GRIN2A: variants seen among roughly 807,000 people sequenced by gnomAD.
The protein encoded by GRIN2A is glutamate receptor ionotropic, NMDA 2A.
In GRIN2A, 22 loss-of-function variants were observed where a neutral mutation model predicts 113.4. The observed-to-expected ratio is 0.19, with a 90% CI of 0.14 to 0.28. GRIN2A has a LOEUF of 0.28. Ranked by LOEUF, GRIN2A falls within the 10% of genes least tolerant of loss-of-function variation. The pLI, the probability that GRIN2A is intolerant of heterozygous loss-of-function variation, is 1.00. For synonymous variants in GRIN2A, 827 were observed against 738.4 expected (o/e 1.12, Z -1.94); for missense variants, 1,502 against 1,887.0 (o/e 0.80, Z 3.78).
chr16:9,765,669 G>C (rs772061933), intron 12 of GRIN2A, among the ~76,000 whole-genome samples: 1 of 150,402 alleles, frequency 6.6e-6, no homozygotes, highest in Non-Finnish European at 1.5e-5. Context: ...CCAAGAGATA[G>C]AGAAAGACAT....
chr16:10,078,849 G>GA (rs2047927689), intron 2 of GRIN2A, among the ~76,000 whole-genome samples: 3 of 151,478 alleles, frequency 2.0e-5, no homozygotes, highest in Non-Finnish European at 2.9e-5. Flanking sequence ...AAGGGAGCAT[G>GA]CTGACTGACT....
At chr16:10,130,797 G>A (rs752284857) in intron 2 of GRIN2A, among the ~76,000 whole-genome samples, 1 of 152,188 alleles carries the variant, frequency 6.6e-6, no homozygotes, top group Non-Finnish European at 1.5e-5. Context: ...GGAGCAGCCT[G>A]ACTCAAGCAG....
chr16:9,839,665 G>A (rs2042639921), intron 7 of GRIN2A, among the ~76,000 whole-genome samples: 1 of 152,298 alleles, frequency 6.6e-6, no homozygotes, highest in Admixed American at 6.5e-5. Flanking sequence ...AAAGGTCTAT[G>A]AGCTGGTTTA....
intron 2 of GRIN2A, among the ~76,000 whole-genome samples, chr16:10,103,492 C>T (rs8063758): frequency 0.41 from 61,586 of 151,976 alleles, 12,628 homozygotes; most frequent in East Asian, 0.46. Flanking sequence ...TATTACTAAC[C>T]CCCAAAATAT....
intron 2 of GRIN2A, among the ~76,000 whole-genome samples, chr16:10,046,884 C>T (rs1012792656): frequency 6.6e-6 from 1 of 152,166 alleles, no homozygotes; most frequent in African/African-American, 2.4e-5. Flanking sequence ...GTTTATTAAG[C>T]CTAACTATAT....
At position 10,076,831 on chromosome 16, in the gene GRIN2A, T is replaced by C. The variant is rs531037399; in HGVS notation, c.414+103167A>G. On this transcript the variant is annotated intron_variant, in intron 2 of 12. Transcript: ENST00000330684. ...CCTTGCATCTCCACCAGGATATGTG[T>C]GTAGTAGGCAGAGCACTGGTCCCCA... Among the ~76,000 whole-genome samples, 10 of 152,294 alleles carry C rather than the reference T, an allele frequency of 6.6e-5. 1 individual carries two copies. The East Asian group carries it at 1.9e-3, about 29-fold the overall frequency.
chr16:9,951,840 T>A lies in GRIN2A; in HGVS notation c.415-13289A>T, dbSNP rs143715205. Reference sequence around the variant, plus strand: ...TCCTGGCTCCCATCACACTCAGAGCTGGTTGCAGGCGAGAGCCCAAGTCAG... The same window carrying A: ...TCCTGGCTCCCATCACACTCAGAGCAGGTTGCAGGCGAGAGCCCAAGTCAG... On this transcript the variant is annotated intron_variant, in intron 2 of 12. Transcript: ENST00000330684. 2.9e-3 allele frequency among the ~76,000 whole-genome samples: 446 copies of A among 152,320 alleles called. 4 individuals are homozygous for A. The highest frequency in any genetic ancestry group is 0.01 in the Middle Eastern group (3 of 294).
rs2141117591 is a variant in GRIN2A at position 9,759,679 on chromosome 16, C to T, written c.*3470G>A. 4.3e-6 allele frequency: 1 copy of T among 229,964 alleles called. No individual in the cohort carries two copies. The highest frequency in any genetic ancestry group is 6.2e-5 in the East Asian group (1 of 16,178). 14.2% of individuals were successfully genotyped at this position (229,964 alleles called of 1,614,324 possible). On this transcript the variant is annotated 3_prime_UTR_variant, in exon 13 of 13. Coordinates refer to ENST00000330684, the MANE Select transcript of GRIN2A (RefSeq NM_001134407.3). ...CAAGAGTAATCCGTGGATGCCCAGT[C>T]ATGGTGCTGGCTAAAATAACGCAGA...
chr16:9,886,828 G>T (rs1342719658), intron 4 of GRIN2A, among the ~76,000 whole-genome samples: 1 of 152,288 alleles, frequency 6.6e-6, no homozygotes, highest in African/African-American at 2.4e-5. Flanking sequence ...GGTTAAATAT[G>T]AAAGCTCAGT....
At chr16:9,943,594 ATCC>A in intron 2 of GRIN2A, among the ~76,000 whole-genome samples, 1 of 152,290 alleles carries the variant, frequency 6.6e-6, no homozygotes, top group South Asian at 2.1e-4. Context: ...TATCTCTTTG[ATCC>A]TAACTACTCA....
At chr16:10,012,718 G>T (rs561470778) in intron 2 of GRIN2A, among the ~76,000 whole-genome samples, 1 of 152,176 alleles carries the variant, frequency 6.6e-6, no homozygotes, top group Non-Finnish European at 1.5e-5. Flanking sequence ...CCCTGGTGCT[G>T]CCTTGGAAGA....
chr16:9,840,830 A>T, intron 6 of GRIN2A, 30 bp from the exon 7 acceptor site: 18 of 1,309,288 alleles, frequency 1.4e-5, no homozygotes, highest in Non-Finnish European at 1.9e-5. Context: ...AAAAAAAAAA[A>T]AAAGAGAGAG....
intron 10 of GRIN2A, among the ~76,000 whole-genome samples, chr16:9,809,955 C>G (rs1212508590): frequency 6.6e-6 from 1 of 152,164 alleles, no homozygotes; most frequent in Non-Finnish European, 1.5e-5. Context: ...GTAATCCCAG[C>G]TACTCTGGAG....
At chr16:10,152,200 G>C (rs969697936) in intron 2 of GRIN2A, among the ~76,000 whole-genome samples, 3 of 152,264 alleles carry the variant, frequency 2.0e-5, no homozygotes, top group African/African-American at 7.2e-5. Flanking sequence ...CCAAGAATGT[G>C]GCTAGTGCCA....
chr16:9,958,119 A>G (rs554023979), intron 2 of GRIN2A, among the ~76,000 whole-genome samples: 2 of 152,228 alleles, frequency 1.3e-5, no homozygotes, highest in Non-Finnish European at 2.9e-5. Flanking sequence ...TTCCTCCATA[A>G]ATGAAGATAA....
intron 2 of GRIN2A, among the ~76,000 whole-genome samples, chr16:10,083,330 C>G (rs1051707030): frequency 6.6e-6 from 1 of 152,216 alleles, no homozygotes; most frequent in Non-Finnish European, 1.5e-5. Context: ...TGTGTGGCCC[C>G]TGGGAGAAGG....
intron 5 of GRIN2A, among the ~76,000 whole-genome samples, chr16:9,847,964 T>C (rs939793594): frequency 6.8e-6 from 1 of 146,544 alleles, no homozygotes; most frequent in Non-Finnish European, 1.5e-5. Flanking sequence ...ATGTTTAACA[T>C]GAAAATATAT....
intron 3 of GRIN2A, among the ~76,000 whole-genome samples, chr16:9,927,775 TC>T (rs1025692234): frequency 6.6e-6 from 1 of 152,204 alleles, no homozygotes; most frequent in African/African-American, 2.4e-5. Context: ...CCACTCACCC[TC>T]ACATACATAA....
intron 2 of GRIN2A, 116 bp downstream of exon 2, chr16:10,179,882 A>ACCCCCC: frequency 3.1e-6 from 1 of 323,746 alleles, no homozygotes. Flanking sequence ...CGACCCTCCC[A>ACCCCCC]CCCCCACCCC....
Sources: allele counts gnomAD v4.1 joint callset (sites outside exome capture counted in the v4.1 genomes callset), GRCh38; gene constraint gnomAD v4.1.1; transcripts MANE v1.5; gene names NCBI Gene and HGNC (gene_info 2026-07-23, HGNC 2026-07-21).